Variants in NDUFAF6 observed in about 807,000 individuals in gnomAD.
NDUFAF6 encodes the protein NADH:ubiquinone oxidoreductase complex assembly factor 6, also known as NADH dehydrogenase (ubiquinone) complex I, assembly factor 6.
NDUFAF6 carries 45 observed loss-of-function variants against 40.8 expected under a neutral mutation model. That is an observed-to-expected ratio of 1.10 (90% confidence interval 0.87 to 1.42). The LOEUF (loss-of-function observed/expected upper bound fraction) is 1.42. NDUFAF6 is among the 40% of genes most tolerant of loss of function. The pLI is 0.00. For synonymous variants in NDUFAF6, 185 were observed against 155.9 expected, an observed-to-expected ratio of 1.19 and a Z score of -1.39; for missense variants, 435 against 418.5, an observed-to-expected ratio of 1.04 and a Z score of -0.34.
intron 4 of NDUFAF6, among the ~76,000 whole-genome samples, chr8:95,113,787 G>A (rs931912644): frequency 3.3e-5 from 5 of 152,242 alleles, no homozygotes; most frequent in Non-Finnish European, 7.4e-5. Flanking sequence ...GAGAGGTTGC[G>A]GTGAGCTGAG....
intron 1 of NDUFAF6, among the ~76,000 whole-genome samples, chr8:94,962,616 G>GTTTTT (rs1289805308): frequency 1.0e-5 from 1 of 97,644 alleles, no homozygotes. Context: ...TTTGTTTTTT[G>GTTTTT]TTTTTTTTTT....
chr8:95,006,946 G>A (rs1240919826), intron 2 of NDUFAF6, among the ~76,000 whole-genome samples: 1 of 150,966 alleles, frequency 6.6e-6, no homozygotes, highest in Non-Finnish European at 1.5e-5. Flanking sequence ...CATGTTGGGA[G>A]AGTAAGACCG....
chr8:95,008,515 GTTT>G (rs113755599), intron 2 of NDUFAF6, among the ~76,000 whole-genome samples: 255 of 152,136 alleles, frequency 1.7e-3, no homozygotes, highest in Non-Finnish European at 2.2e-3. Context: ...CATTTAAACT[GTTT>G]TTTTGAGATG....
intron 1 of NDUFAF6, among the ~76,000 whole-genome samples, chr8:94,923,835 A>G (rs1586661706): frequency 8.0e-6 from 1 of 125,430 alleles, no homozygotes; most frequent in Non-Finnish European, 1.7e-5. Flanking sequence ...GCCCGCCACC[A>G]CGCCCGACTA....
At chr8:94,990,049 A>T (rs1388275227) in intron 2 of NDUFAF6, among the ~76,000 whole-genome samples, 1 of 152,074 alleles carries the variant, frequency 6.6e-6, no homozygotes, top group Non-Finnish European at 1.5e-5. Context: ...AATGTAAAAA[A>T]CTTCATCAGT....
At chr8:95,051,532 G>A (rs1314090895) in intron 7 of NDUFAF6, among the ~76,000 whole-genome samples, 1 of 152,134 alleles carries the variant, frequency 6.6e-6, no homozygotes, top group Non-Finnish European at 1.5e-5. Context: ...TATAAATGAA[G>A]ACATGGAGAC....
rs1363000685 is a variant in NDUFAF6 at position 95,047,025 on chromosome 8, A to C, written c.612A>C (p.Ala204=). 3 of 1,614,192 alleles carry C rather than the reference A, an allele frequency of 1.9e-6. No individual in the cohort carries two copies. The highest frequency in any genetic ancestry group is 2.5e-6 in the Non-Finnish European group (3 of 1,180,026). Residue 204 remains alanine (A), a synonymous_variant, in exon 6 of 9, where the codon GCA becomes GCC. Coordinates refer to ENST00000396124, the MANE Select transcript of NDUFAF6 (RefSeq NM_152416.4). ...GIKDLHADHA[A]SHIGKAQGIV... ...AGGATCTTCATGCAGATCATGCTGC[A>C]AGTCATATTGGAAAAGCACAAGGCA... is the stretch of plus-strand genomic sequence containing the variant.
intron 1 of NDUFAF6, among the ~76,000 whole-genome samples, chr8:94,978,587 C>T (rs968972870): frequency 1.3e-5 from 2 of 151,908 alleles, no homozygotes; most frequent in African/African-American, 2.4e-5. Context: ...TGGAGGTGCA[C>T]GCCTATAGTC....
intron 8 of NDUFAF6, chr8:95,055,342 A>G (rs1053389473): frequency 6.6e-6 from 1 of 152,234 alleles, no homozygotes; most frequent in African/African-American, 2.4e-5. Flanking sequence ...CTATAATTCT[A>G]ACACCAAAAG....
At chr8:95,118,331 A>G (rs183424205), downstream of NDUFAF6, among the ~76,000 whole-genome samples, 53 of 152,330 alleles carry the variant, frequency 3.5e-4, no homozygotes, top group East Asian at 9.4e-3. Flanking sequence ...CAAGTCACTA[A>G]GGCCAGTTCA....
At chr8:94,994,836 C>T (rs1013857473) in intron 2 of NDUFAF6, among the ~76,000 whole-genome samples, 6 of 152,108 alleles carry the variant, frequency 3.9e-5, no homozygotes, top group African/African-American at 1.4e-4. Context: ...AAAAACCAAA[C>T]CAAACCAAAC....
At chr8:95,036,453 C>T (rs761319976) in intron 3 of NDUFAF6, 12 of 1,289,428 alleles carry the variant, frequency 9.3e-6, no homozygotes, top group South Asian at 1.2e-5. Context: ...AAAGCCAGAA[C>T]CCCCCAACTG....
intron 2 of NDUFAF6, among the ~76,000 whole-genome samples, chr8:94,952,335 G>C (rs571399646): frequency 6.6e-6 from 1 of 152,296 alleles, no homozygotes; most frequent in East Asian, 1.9e-4. Flanking sequence ...ATGGCTACTT[G>C]GGGCAGCCTC....
chr8:94,971,530 A>G (rs902558861), intron 1 of NDUFAF6, among the ~76,000 whole-genome samples: 1 of 152,188 alleles, frequency 6.6e-6, no homozygotes, highest in African/African-American at 2.4e-5. Context: ...CTCCTGCTGC[A>G]GTGTCAGGAT....
chr8:95,062,080 A>T (rs1249627113), downstream of NDUFAF6, among the ~76,000 whole-genome samples: 1 of 151,826 alleles, frequency 6.6e-6, no homozygotes, highest in East Asian at 1.9e-4. Flanking sequence ...TTGTTTGAGC[A>T]CAGGAGGTGG....
rs11432186 is a variant in NDUFAF6 at position 94,897,706 on chromosome 8, C to CTTTTT, written c.-936+1791_-936+1795dup. 1.2e-4 allele frequency among the ~76,000 whole-genome samples: 16 copies of CTTTTT among 131,960 alleles called. 1 individual carries two copies. Among genetic ancestry groups the CTTTTT allele is most frequent in the African/African-American group, 2.5e-4 (9 of 35,732 alleles). The allele number at this position is 131,960 out of a possible 152,430, so 86.6% of individuals were successfully genotyped here. A position where few individuals can be genotyped will look rare whatever the true frequency, so the allele number is the denominator to read the frequency against. On this transcript the variant is annotated intron_variant, in intron 1 of 14. Transcript: ENST00000396113. The stretch of plus-strand genomic sequence containing the variant: ...GCCCACCCATTTCTTTATTCTGTGC[C>CTTTTT]TTTTTTTTTTTTTTTTGTATATCTC...
At chr8:94,953,371 A>T (rs1236178573), upstream of NDUFAF6, among the ~76,000 whole-genome samples, 1 of 151,706 alleles carries the variant, frequency 6.6e-6, no homozygotes, top group Non-Finnish European at 1.5e-5. Context: ...CAAAAAAAAA[A>T]CCTTTGAGCA....
intron 1 of NDUFAF6, among the ~76,000 whole-genome samples, chr8:94,925,631 C>T (rs916137978): frequency 1.3e-5 from 2 of 151,624 alleles, no homozygotes; most frequent in South Asian, 4.2e-4. Flanking sequence ...CCTCCGCCTC[C>T]CAGGTTCAAG....
chr8:95,033,228 A>G (rs1253462248), intron 2 of NDUFAF6, among the ~76,000 whole-genome samples: 1 of 151,434 alleles, frequency 6.6e-6, no homozygotes, highest in East Asian at 1.9e-4. Context: ...TTTTTTTTTT[A>G]GAGACAGAGT....
Sources: allele counts gnomAD v4.1 joint callset (sites outside exome capture counted in the v4.1 genomes callset), GRCh38; gene constraint gnomAD v4.1.1; transcripts MANE v1.5; gene names NCBI Gene and HGNC (gene_info 2026-07-23, HGNC 2026-07-21).